AAGAB: variants seen among roughly 807,000 people sequenced by gnomAD.
AAGAB encodes alpha and gamma adaptin binding protein.
AAGAB carries 38 observed loss-of-function variants against 44.1 expected under a neutral mutation model. The observed-to-expected ratio is 0.86, with a 90% CI of 0.67 to 1.13. The LOEUF is 1.13. Among genes scored for constraint, AAGAB ranks in the 50% most tolerant of loss-of-function variants. The pLI is 0.00. For synonymous variants in AAGAB, 131 were observed against 131.8 expected (o/e 0.99, Z 0.04); for missense variants, 450 against 373.8 (o/e 1.20, Z -1.68).
chr15:67,212,149 G>T (rs1220321242), intron 5 of AAGAB, among the ~76,000 whole-genome samples: 1 of 152,142 alleles, frequency 6.6e-6, no homozygotes, highest in East Asian at 1.9e-4. Context: ...CCAAAGTGCT[G>T]GGATTATAGG....
At chr15:67,232,797 C>T (rs955887059) in intron 4 of AAGAB, 1 of 204,802 alleles carries the variant, frequency 4.9e-6, no homozygotes, top group Admixed American at 4.7e-5. Context: ...GGTAGGCAGA[C>T]AGCAAAGGCC....
At chr15:67,208,098 G>C (rs1963726065) in intron 7 of AAGAB, among the ~76,000 whole-genome samples, 1 of 152,088 alleles carries the variant, frequency 6.6e-6, no homozygotes, top group African/African-American at 2.4e-5. Flanking sequence ...GGCCCTTCTT[G>C]CTAGATGTCC....
chr15:67,238,859 C>CTAAT (rs1354434854), intron 1 of AAGAB, among the ~76,000 whole-genome samples: 1 of 152,128 alleles, frequency 6.6e-6, no homozygotes, highest in Non-Finnish European at 1.5e-5. Context: ...CCATGCCCAG[C>CTAAT]TAATGTTCTG....
At chr15:67,208,479 A>C in intron 7 of AAGAB, 83 bp downstream of exon 7, 4 of 1,262,208 alleles carry the variant, frequency 3.2e-6, no homozygotes, top group Non-Finnish European at 4.6e-6. Context: ...GTTTAAAGTC[A>C]ATTTCCCCCT....
At chr15:67,218,248 C>T (rs916081964) in intron 5 of AAGAB, among the ~76,000 whole-genome samples, 2 of 152,218 alleles carry the variant, frequency 1.3e-5, no homozygotes, top group South Asian at 2.1e-4. Context: ...CTCTCCTCCA[C>T]GGTGGTAATT....
intron 1 of AAGAB, among the ~76,000 whole-genome samples, chr15:67,240,086 A>G (rs1478860591): frequency 6.6e-6 from 1 of 152,228 alleles, no homozygotes; most frequent in African/African-American, 2.4e-5. Context: ...ATCACAAGCC[A>G]AAACTAGTCT....
chr15:67,232,147 G>A (rs1201680029), intron 4 of AAGAB, among the ~76,000 whole-genome samples: 1 of 151,672 alleles, frequency 6.6e-6, no homozygotes, highest in Non-Finnish European at 1.5e-5. Context: ...CCAGCTACTC[G>A]GGAGGCTGAG....
chr15:67,213,929 A>G (rs1350733661), intron 5 of AAGAB, among the ~76,000 whole-genome samples: 1 of 152,246 alleles, frequency 6.6e-6, no homozygotes, highest in Non-Finnish European at 1.5e-5. Flanking sequence ...TTTACAGAAG[A>G]TTTATTTTAT....
chr15:67,204,510 A>G (rs1014498797), intron 7 of AAGAB, among the ~76,000 whole-genome samples: 1 of 152,218 alleles, frequency 6.6e-6, no homozygotes, highest in Non-Finnish European at 1.5e-5. Context: ...CTGATTCACC[A>G]ATAATGACTA....
chr15:67,246,391 C>CA (rs59205947), intron 1 of AAGAB, among the ~76,000 whole-genome samples: 42,893 of 109,516 alleles, frequency 0.39, 7,218 homozygotes, highest in African/African-American at 0.52. Flanking sequence ...GATCCTGTCT[C>CA]AAAAAAAAAA....
chr15:67,206,543 G>A (rs1963689848), intron 7 of AAGAB, among the ~76,000 whole-genome samples: 1 of 152,058 alleles, frequency 6.6e-6, no homozygotes, highest in African/African-American at 2.4e-5. Context: ...TTTATTACTT[G>A]GGATTCTTCT....
intron 1 of AAGAB, among the ~76,000 whole-genome samples, chr15:67,245,626 A>G (rs1428966344): frequency 6.6e-6 from 1 of 152,248 alleles, no homozygotes; most frequent in Non-Finnish European, 1.5e-5. Context: ...CTTATATTCC[A>G]AAAAGCTGCT....
chr15:67,238,995 A>C (rs1190383656), intron 1 of AAGAB, among the ~76,000 whole-genome samples: 1 of 152,164 alleles, frequency 6.6e-6, no homozygotes, highest in African/African-American at 2.4e-5. Context: ...ATGCCCACCC[A>C]TTCTTGGGTA....
chr15:67,216,334 G>A (rs574472598), intron 5 of AAGAB, among the ~76,000 whole-genome samples: 1 of 148,956 alleles, frequency 6.7e-6, no homozygotes, highest in South Asian at 2.2e-4. Context: ...CCCAGCTACT[G>A]GGGAGGCTGA....
At chr15:67,208,423 C>G in intron 7 of AAGAB, 139 bp downstream of exon 7, 2 of 622,460 alleles carry the variant, frequency 3.2e-6, no homozygotes, top group Non-Finnish European at 5.7e-6. Flanking sequence ...ACTGGCAAGG[C>G]TCACATTCAT....
intron 4 of AAGAB, 81 bp from the exon 5 acceptor site, chr15:67,231,978 G>T: frequency 8.3e-7 from 1 of 1,207,282 alleles, no homozygotes; most frequent in Non-Finnish European, 1.2e-6. Flanking sequence ...ATGTGGCCAG[G>T]CACGGTGGCT....
At chr15:67,228,163 C>G (rs1299536808) in intron 5 of AAGAB, among the ~76,000 whole-genome samples, 2 of 152,126 alleles carry the variant, frequency 1.3e-5, no homozygotes, top group Non-Finnish European at 2.9e-5. Flanking sequence ...TATTACAAGG[C>G]AATAGTTCTT....
chr15:67,222,876 A>G (rs1367939532), intron 5 of AAGAB, among the ~76,000 whole-genome samples: 1 of 152,088 alleles, frequency 6.6e-6, no homozygotes, highest in Non-Finnish European at 1.5e-5. Context: ...AGTGTTTTAT[A>G]ATCACTATCT....
chr15:67,221,645 C>T (rs140426873), intron 5 of AAGAB, among the ~76,000 whole-genome samples: 204 of 152,304 alleles, frequency 1.3e-3, no homozygotes, highest in African/African-American at 4.5e-3. Context: ...AGGCAATCAA[C>T]GTCTTCAGAG....
Sources: allele counts gnomAD v4.1 joint callset (sites outside exome capture counted in the v4.1 genomes callset), GRCh38; gene constraint gnomAD v4.1.1; transcripts MANE v1.5; gene names NCBI Gene and HGNC (gene_info 2026-07-23, HGNC 2026-07-21).